Variants in COP1 observed in about 807,000 individuals in gnomAD.
COP1 encodes E3 ubiquitin-protein ligase COP1.
In COP1, 24 loss-of-function variants were observed where a neutral mutation model predicts 101.3. That is an observed-to-expected ratio of 0.24 (90% CI 0.17 to 0.33). The LOEUF is 0.33. Among genes scored for constraint, COP1 ranks in the 10% least tolerant of loss-of-function variants. The probability of loss-of-function intolerance (pLI) is 1.00; values close to 1 mark genes in which losing one functional copy is unlikely to be tolerated. For synonymous variants in COP1, 347 were observed against 341.9 expected (o/e 1.01, Z -0.17); for missense variants, 663 against 906.2 (o/e 0.73, Z 3.45).
chr1:175,949,168 C>CAAAAAAAAA (rs56280543), intron 18 of COP1, among the ~76,000 whole-genome samples: 8,267 of 42,884 alleles, frequency 0.19, 2,442 homozygotes, highest in East Asian at 0.29. Context: ...GGCTCCGTCT[C>CAAAAAAAAA]AAAAAAAAAA....
At chr1:176,034,534 C>T (rs975490887) in intron 14 of COP1, among the ~76,000 whole-genome samples, 4 of 152,148 alleles carry the variant, frequency 2.6e-5, no homozygotes, top group African/African-American at 9.7e-5. Flanking sequence ...CAGCAGTAGA[C>T]TGGGCACTAA....
intron 15 of COP1, among the ~76,000 whole-genome samples, chr1:175,997,456 T>G (rs1157440905): frequency 6.6e-6 from 1 of 151,798 alleles, no homozygotes; most frequent in Non-Finnish European, 1.5e-5. Flanking sequence ...TCAGAGTGAA[T>G]AGGCAACCTA....
At chr1:176,036,236 T>C (rs920199935) in intron 14 of COP1, among the ~76,000 whole-genome samples, 2 of 151,540 alleles carry the variant, frequency 1.3e-5, no homozygotes, top group African/African-American at 4.8e-5. Context: ...GACATAAACT[T>C]CAATCTTCAA....
At chr1:176,050,057 T>C (rs1332622046) in intron 11 of COP1, among the ~76,000 whole-genome samples, 1 of 152,246 alleles carries the variant, frequency 6.6e-6, no homozygotes, top group Non-Finnish European at 1.5e-5. Flanking sequence ...AAAAATTTAC[T>C]GCATGACAAA....
At chr1:176,140,667 A>G (rs1207136985) in intron 6 of COP1, among the ~76,000 whole-genome samples, 1 of 152,220 alleles carries the variant, frequency 6.6e-6, no homozygotes, top group Non-Finnish European at 1.5e-5. Flanking sequence ...AAGTCTGAAT[A>G]TAAGTCCAAG....
intron 15 of COP1, among the ~76,000 whole-genome samples, chr1:175,995,844 C>G (rs955860688): frequency 6.6e-6 from 1 of 152,174 alleles, no homozygotes; most frequent in Non-Finnish European, 1.5e-5. Flanking sequence ...ATCATTCCTT[C>G]TGAAACTATT....
chr1:176,165,626 T>C (rs1695018635), intron 3 of COP1, among the ~76,000 whole-genome samples: 1 of 151,814 alleles, frequency 6.6e-6, no homozygotes. Context: ...ACCCAGGAGG[T>C]AGTGAGCCAA....
intron 1 of COP1, among the ~76,000 whole-genome samples, chr1:176,199,397 C>T (rs200005801): frequency 1.3e-5 from 1 of 79,910 alleles, no homozygotes; most frequent in Non-Finnish European, 3.4e-5. Context: ...ACTAAACATA[C>T]ACTTGGCAGA....
At chr1:176,167,958 C>A (rs1695388401) in intron 3 of COP1, among the ~76,000 whole-genome samples, 1 of 137,042 alleles carries the variant, frequency 7.3e-6, no homozygotes, top group Admixed American at 7.1e-5. Context: ...ATGCATCAGC[C>A]ATTTTTTTTT....
intron 18 of COP1, among the ~76,000 whole-genome samples, chr1:175,965,060 A>G (rs1247899562): frequency 1.3e-5 from 2 of 152,084 alleles, no homozygotes; most frequent in Non-Finnish European, 2.9e-5. Flanking sequence ...TCATACCAAG[A>G]TTATAAACAT....
At chr1:176,159,699 C>T (rs1693999287) in intron 5 of COP1, among the ~76,000 whole-genome samples, 1 of 152,120 alleles carries the variant, frequency 6.6e-6, no homozygotes, top group African/African-American at 2.4e-5. Flanking sequence ...AAAAGGATAA[C>T]TACAGCATGA....
At position 175,989,340 on chromosome 1, in the gene COP1, CTCT is replaced by C. The variant is rs769816033; in HGVS notation, c.1847+19_1847+21del. ...TACAGAGCTCTGTATTAAGCTCAACCTCTGAGGAGAGTAATACTCACGCAGAGA... is the reference window on the plus strand; with the variant it reads ...TACAGAGCTCTGTATTAAGCTCAACCGAGGAGAGTAATACTCACGCAGAGA... On this transcript the variant is annotated intron_variant, in intron 16 of 19. Transcript: ENST00000367669. 7.9e-7 allele frequency: 1 copy of C among 1,258,152 alleles called. No homozygotes were observed. The highest frequency in any genetic ancestry group is 1.5e-5 in the African/African-American group (1 of 67,854). The allele number at this position is 1,258,152 out of a possible 1,614,324, so 77.9% of individuals were successfully genotyped here.
intron 1 of COP1, among the ~76,000 whole-genome samples, chr1:176,197,423 A>G (rs1485568046): frequency 6.6e-6 from 1 of 152,180 alleles, no homozygotes; most frequent in Non-Finnish European, 1.5e-5. Context: ...CTTTTGAAAA[A>G]AAGAAAGGAA....
At chr1:176,156,944 T>C (rs569799161) in intron 5 of COP1, among the ~76,000 whole-genome samples, 1 of 152,132 alleles carries the variant, frequency 6.6e-6, no homozygotes, top group African/African-American at 2.4e-5. Context: ...ACACCAGTAA[T>C]TTCAGCACTT....
At chr1:175,996,153 G>C (rs922099750) in intron 15 of COP1, among the ~76,000 whole-genome samples, 1 of 152,010 alleles carries the variant, frequency 6.6e-6, no homozygotes, top group Non-Finnish European at 1.5e-5. Context: ...AATCCACATG[G>C]TTACCTCAAT....
chr1:176,206,273 A>C, intron 1 of COP1: 1 of 401,022 alleles, frequency 2.5e-6, no homozygotes, highest in Non-Finnish European at 4.5e-6. Flanking sequence ...ATCCAAAACC[A>C]TTTATTTGAC....
At chr1:176,113,945 G>GGT (rs1553269798) in intron 9 of COP1, among the ~76,000 whole-genome samples, 2 of 144,848 alleles carry the variant, frequency 1.4e-5, no homozygotes, top group African/African-American at 5.1e-5. Flanking sequence ...TCAGGGTAGG[G>GGT]TTTTTTTTTT....
chr1:176,178,213 T>G (rs1342900054), intron 2 of COP1, among the ~76,000 whole-genome samples: 1 of 151,776 alleles, frequency 6.6e-6, no homozygotes, highest in Non-Finnish European at 1.5e-5. Flanking sequence ...AATCACAACA[T>G]GAAGAAATTT....
At chr1:176,051,020 A>G (rs1293051873) in intron 11 of COP1, among the ~76,000 whole-genome samples, 1 of 152,218 alleles carries the variant, frequency 6.6e-6, no homozygotes, top group Non-Finnish European at 1.5e-5. Context: ...TGATAATAAC[A>G]CATAATTCAG....
Sources: gnomAD v4.1 joint callset for allele counts (sites outside exome capture counted in the v4.1 genomes callset) on GRCh38, gnomAD v4.1.1 for gene constraint, MANE v1.5 for transcripts, NCBI Gene and HGNC (gene_info 2026-07-23, HGNC 2026-07-21) for gene names.